Variants in NGDN observed in about 807,000 individuals in gnomAD.
NGDN encodes the protein neuroguidin.
A neutral mutation model predicts 45.2 loss-of-function variants in NGDN; 41 were observed. That is an observed-to-expected ratio of 0.91 (90% CI 0.71 to 1.18). The LOEUF (loss-of-function observed/expected upper bound fraction) is 1.18, where lower values mean the gene tolerates loss of function less well. Among genes scored for constraint, NGDN ranks in the 50% most tolerant of loss-of-function variants. The probability of loss-of-function intolerance (pLI) is 0.00; values close to 1 mark genes in which losing one functional copy is unlikely to be tolerated. For synonymous variants in NGDN, 137 were observed against 130.9 expected, an observed-to-expected ratio of 1.05 and a Z score of -0.32; for missense variants, 402 against 399.9, an observed-to-expected ratio of 1.01 and a Z score of -0.05.
intron 8 of NGDN, 83 bp downstream of exon 8, chr14:23,476,490 C>T (rs957994345): frequency 5.1e-6 from 6 of 1,175,466 alleles, no homozygotes; most frequent in African/African-American, 3.1e-5. Context: ...AAGTTTGGTA[C>T]CAAGAGAATT....
chr14:23,474,808 C>G (rs1374078040), intron 3 of NGDN, among the ~76,000 whole-genome samples: 1 of 152,150 alleles, frequency 6.6e-6, no homozygotes, highest in Non-Finnish European at 1.5e-5. Context: ...TGGGAAGAGG[C>G]CAAGGATGCT....
At position 23,477,350 on chromosome 14, in the gene NGDN, T is replaced by C; in HGVS notation, c.864T>C (p.Leu288=). Residue 288 remains leucine (L), a synonymous_variant, in exon 9 of 11, where the codon CTT becomes CTC. Transcript: ENST00000408901. ...CTTTGACAGGGGGAACTGTTCATCT[T>C]GATGAGGTGAGGTTGAGATATGGTT... ...ISALTGGTVH[L]DEDQNPIKKR... is the part of the protein sequence containing the mutation. 1 of 1,614,106 alleles carries C rather than the reference T, an allele frequency of 6.2e-7. No individual in the cohort carries two copies. Among genetic ancestry groups the C allele is most frequent in the African/African-American group, 1.3e-5 (1 of 75,058 alleles).
In NGDN at chr14:23,476,355, C is replaced by T. The variant is rs763908852; in HGVS notation, c.661C>T (p.Arg221Cys). The stretch of plus-strand genomic sequence containing the variant: ...GTACTCAGATGCTCCAGAGGAAATC[C>T]GTGATGCTCGGCATCCCCATGTTAC... ...EQYSDAPEEI[R>C]DARHPHVTRQ... Residue 221 changes from arginine to cysteine, a missense_variant, in exon 8 of 11, where the codon CGT (arginine) becomes TGT (cysteine). Transcript: ENST00000408901. 6.8e-6 allele frequency: 11 copies of T among 1,613,062 alleles called. No homozygotes were observed. Among genetic ancestry groups the T allele is most frequent in the African/African-American group, 2.7e-5 (2 of 74,866 alleles).
chr14:23,477,098 A>T, intron 8 of NGDN, 102 bp from the exon 9 acceptor site: 1 of 1,067,106 alleles, frequency 9.4e-7, no homozygotes, highest in Non-Finnish European at 1.4e-6. Flanking sequence ...CTTCTTGAGA[A>T]CTCCCTGAAC....
chr14:23,475,846 T>TAC (rs1401030818), intron 6 of NGDN, 68 bp downstream of exon 6: 1 of 1,509,522 alleles, frequency 6.6e-7, no homozygotes, highest in African/African-American at 1.4e-5. Flanking sequence ...CTCTTGGTGA[T>TAC]CCTGGATACC....
Position 23,475,838 on chromosome 14 carries a change from C to CT in NGDN, c.420+62dup. ...GAGGCAGCTATACCTAGATGAGCCT[C>CT]TTGGTGATCCTGGATACCCTGGGAT... On this transcript the variant is annotated intron_variant, in intron 6 of 10. Transcript: ENST00000408901. 3 of 1,532,684 alleles carry CT rather than the reference C, an allele frequency of 2.0e-6. No individual in the cohort carries two copies. In the East Asian group the frequency reaches 6.8e-5, roughly 35 times the overall value. The allele number at this position is 1,532,684 out of a possible 1,614,324, so 94.9% of individuals were successfully genotyped here. A position where few individuals can be genotyped will look rare whatever the true frequency, so the allele number is the denominator to read the frequency against.
At chr14:23,469,921 G>T in intron 1 of NGDN, 121 bp from the exon 2 acceptor site, 1 of 1,248,564 alleles carries the variant, frequency 8.0e-7, no homozygotes, top group South Asian at 1.3e-5. Flanking sequence ...GAACCCGAGT[G>T]TGAAGGCCCC....
At chr14:23,470,754 T>G in intron 2 of NGDN, 152 bp from the exon 3 acceptor site, 1 of 505,448 alleles carries the variant, frequency 2.0e-6, no homozygotes, top group Non-Finnish European at 3.5e-6. Flanking sequence ...GAACCATCTC[T>G]CCTATGCTTT....
At position 23,476,147 on chromosome 14, in the gene NGDN, A is replaced by T; in HGVS notation, c.539A>T (p.His180Leu). ...GTTCCTCCACGCTTGGTTCCAGTAC[A>T]TTATGGTATAAACTTTGGCTGCTGC... Reference protein sequence around the residue: ...KYVPPRLVPVHYDETEAEREK... With the variant: ...KYVPPRLVPVLYDETEAEREK... Residue 180 changes from histidine (H) to leucine (L), a missense_variant, in exon 7 of 11, where the codon CAT becomes CTT. His to Leu is a moderately conservative substitution (Grantham distance 99). Coordinates refer to ENST00000408901, the MANE Select transcript of NGDN (RefSeq NM_001042635.2). 6.2e-7 allele frequency: 1 copy of T among 1,614,182 alleles called. No homozygotes were observed. Among genetic ancestry groups the T allele is most frequent in the Non-Finnish European group, 8.5e-7 (1 of 1,180,012 alleles).
At chr14:23,469,929 C>G (rs1893732777) in intron 1 of NGDN, 113 bp from the exon 2 acceptor site, 2 of 1,279,218 alleles carry the variant, frequency 1.6e-6, no homozygotes, top group Admixed American at 1.9e-5. Flanking sequence ...GTGTGAAGGC[C>G]CCGAGTCTGG....
chr14:23,477,819 C>T (rs901825678), intron 10 of NGDN, 188 bp from the exon 11 acceptor site: 1 of 1,467,278 alleles, frequency 6.8e-7, no homozygotes, highest in Non-Finnish European at 9.0e-7. Flanking sequence ...GGTAAAGTGT[C>T]ACTTGAAGGA....
At chr14:23,470,177 T>A in intron 2 of NGDN, 76 bp downstream of exon 2, 1 of 1,274,434 alleles carries the variant, frequency 7.8e-7, no homozygotes, top group Non-Finnish European at 1.1e-6. Context: ...AAAACTTTGG[T>A]GATTGAGATA....
chr14:23,469,770 T>C lies in NGDN; in HGVS notation c.12+43T>C, dbSNP rs745812777. 2.5e-6 allele frequency: 4 copies of C among 1,613,272 alleles called. No individual in the cohort carries two copies. In the East Asian group the frequency reaches 8.9e-5, roughly 36 times the overall value. The stretch of plus-strand genomic sequence containing the variant: ...TCTTCCTCGCGTAGCTATTGTGGAG[T>C]TGTCCTTTGCCTTCAGCGGCTGGAG... On this transcript the variant is annotated intron_variant, in intron 1 of 10. Transcript: ENST00000408901.
At position 23,477,346 on chromosome 14, in the gene NGDN, A is replaced by G. The variant is rs1420501600; in HGVS notation, c.860A>G (p.His287Arg). 9.9e-6 allele frequency: 16 copies of G among 1,614,184 alleles called. No individual in the cohort carries two copies. The South Asian group carries it at 1.6e-4, about 17-fold the overall frequency. The change falls in exon 9 of 11, where the codon CAT (histidine) becomes CGT (arginine). Residue 287 changes from histidine (H) to arginine (R), a missense_variant. His to Arg is a conservative substitution (Grantham distance 29). Transcript: ENST00000408901. ...DISALTGGTV[H>R]LDEDQNPIKK... ...AGTGCTTTGACAGGGGGAACTGTTC[A>G]TCTTGATGAGGTGAGGTTGAGATAT...
rs775156781 is a variant in NGDN at position 23,469,735 on chromosome 14, T to C, written c.12+8T>C. ...GCGAAGATGGCGGCGCTGGTGAGTTTGGTGTGGTTTCTTCCTCGCGTAGCT... is the reference window on the plus strand; with the variant it reads ...GCGAAGATGGCGGCGCTGGTGAGTTCGGTGTGGTTTCTTCCTCGCGTAGCT... On this transcript the variant is annotated splice_region_variant and intron_variant, in intron 1 of 10. Coordinates refer to ENST00000408901, the MANE Select transcript of NGDN (RefSeq NM_001042635.2). The C allele has an allele frequency of 3.2e-5, 51 of 1,614,022 alleles. No homozygotes were observed. The East Asian group carries it at 1.1e-3, about 35-fold the overall frequency.
At chr14:23,469,875 C>T in intron 1 of NGDN, 148 bp downstream of exon 1, 2 of 1,264,972 alleles carry the variant, frequency 1.6e-6, no homozygotes, top group Non-Finnish European at 2.3e-6. Flanking sequence ...CGTTCCTGTC[C>T]GGTAACCCAA....
chr14:23,469,829 A>G lies in NGDN; in HGVS notation c.12+102A>G, dbSNP rs543795481. On this transcript the variant is annotated intron_variant, in intron 1 of 10. Coordinates refer to ENST00000408901, the MANE Select transcript of NGDN (RefSeq NM_001042635.2). The stretch of plus-strand genomic sequence containing the variant: ...TTGGTACCAGGGAAGGGTGGTGATG[A>G]AAGTTGCTTCAGGGAGGCGGCCTCC... 34 of 1,509,512 alleles carry G rather than the reference A, an allele frequency of 2.3e-5. No individual in the cohort carries two copies. The African/African-American group carries it at 4.3e-4, about 19-fold the overall frequency. 93.5% of individuals were successfully genotyped at this position (1,509,512 alleles called of 1,614,324 possible).
chr14:23,475,044 C>A, intron 3 of NGDN, 127 bp from the exon 4 acceptor site: 1 of 858,788 alleles, frequency 1.2e-6, no homozygotes, highest in Non-Finnish European at 1.7e-6. Flanking sequence ...TGAGACTATT[C>A]CAGATACCTA....
chr14:23,472,707 A>G lies in NGDN; in HGVS notation c.144+1730A>G, dbSNP rs369797547. ...TAGGCCAAATATTCTATGGGTAAATACAAGTATGAAAATCATTGTAATAAG... is the reference window on the plus strand; with the variant it reads ...TAGGCCAAATATTCTATGGGTAAATGCAAGTATGAAAATCATTGTAATAAG... On this transcript the variant is annotated intron_variant, in intron 3 of 10. Transcript: ENST00000408901. Among the ~76,000 whole-genome samples the G allele has an allele frequency of 3.3e-5, 5 of 152,326 alleles. No individual in the cohort carries two copies. The East Asian group carries it at 9.6e-4, about 29-fold the overall frequency.
Sources: allele counts gnomAD v4.1 joint callset (sites outside exome capture counted in the v4.1 genomes callset), GRCh38; gene constraint gnomAD v4.1.1; transcripts MANE v1.5; gene names NCBI Gene and HGNC (gene_info 2026-07-23, HGNC 2026-07-21).